Variants in PDZD8 observed in about 807,000 individuals in gnomAD.
PDZD8 encodes the protein PDZ domain-containing protein 8.
A neutral mutation model predicts 85.8 loss-of-function variants in PDZD8; 14 were observed. That is an observed-to-expected ratio of 0.16 (90% CI 0.11 to 0.26). The LOEUF (loss-of-function observed/expected upper bound fraction) is 0.26, where lower values mean the gene tolerates loss of function less well. PDZD8 is among the 10% of genes least tolerant of loss of function. The pLI, the probability that PDZD8 is intolerant of heterozygous loss-of-function variation, is 1.00. For missense variants in PDZD8, 1,197 were observed against 1,424.3 expected (o/e 0.84, Z 2.57); for synonymous variants, 592 against 568.6 (o/e 1.04, Z -0.59).
intron 1 of PDZD8, among the ~76,000 whole-genome samples, chr10:117,353,194 G>C (rs1261120877): frequency 6.6e-6 from 1 of 152,088 alleles, no homozygotes; most frequent in African/African-American, 2.4e-5. Flanking sequence ...AGTACCTCTT[G>C]TCTTCCAAAC....
chr10:117,357,628 T>C (rs1027726431), intron 1 of PDZD8, among the ~76,000 whole-genome samples: 1 of 150,874 alleles, frequency 6.6e-6, no homozygotes, highest in Admixed American at 6.6e-5. Flanking sequence ...TAGCCGGGCA[T>C]GGTGGCACAT....
chr10:117,285,466 T>C lies in PDZD8; in HGVS notation c.1267A>G (p.Lys423Glu). The change falls in exon 5 of 5, where the codon AAA becomes GAA. Residue 423 changes from lysine to glutamate, a missense_variant. Physicochemically the swap from Lys to Glu is moderately conservative, Grantham distance 56. This residue lies in a region of PDZD8 where 344 missense variants were observed against 453.6 expected (regional missense o/e 0.76). Transcript: ENST00000334464. ...GDRLIAIGGV[K>E]ITSTLQVLKL... ...AACACTTGCAGTGTTGATGTGATTT[T>C]CACACCTGGTTTAAGATTTTAAAAG... is the stretch of plus-strand genomic sequence containing the variant. 1 of 1,574,550 alleles carries C rather than the reference T, an allele frequency of 6.4e-7. No individual in the cohort carries two copies.
At chr10:117,340,404 A>T (rs576905824) in intron 2 of PDZD8, among the ~76,000 whole-genome samples, 2 of 152,136 alleles carry the variant, frequency 1.3e-5, no homozygotes, top group Non-Finnish European at 2.9e-5. Flanking sequence ...ATGTCTGATC[A>T]CCCTGGACTG....
chr10:117,375,144 G>C lies in PDZD8; in HGVS notation c.84C>G (p.Arg28=), dbSNP rs764637535. The change falls in exon 1 of 5, where the codon CGC becomes CGG. Residue 28 remains arginine, a synonymous_variant. Transcript: ENST00000334464. The stretch of plus-strand genomic sequence containing the variant: ...CGTCCGCCGGCGGCTCGGGCTGTCT[G>C]CGGTACAGCAGGAAGAACTGGGCGA... ...TLLAQFFLLY[R]RQPEPPADEA... is the part of the protein sequence containing the mutation. The C allele has an allele frequency of 6.3e-7, 1 of 1,590,036 alleles. No homozygotes were observed. The highest frequency in any genetic ancestry group is 8.5e-7 in the Non-Finnish European group (1 of 1,174,422).
At chr10:117,291,282 A>C (rs1217303009) in intron 3 of PDZD8, among the ~76,000 whole-genome samples, 1 of 151,976 alleles carries the variant, frequency 6.6e-6, no homozygotes, top group East Asian at 2.0e-4. Context: ...CTGTAATCCC[A>C]GCACTTGGGA....
chr10:117,364,336 A>G (rs1845050933), intron 1 of PDZD8, among the ~76,000 whole-genome samples: 1 of 152,120 alleles, frequency 6.6e-6, no homozygotes, highest in Non-Finnish European at 1.5e-5. Context: ...AACCATAAAA[A>G]ATGTTAAAAT....
rs148658189 is a variant in PDZD8, at chr10:117,351,245, A to C, written c.873-10143T>G. 3.5e-3 allele frequency among the ~76,000 whole-genome samples: 535 copies of C among 152,300 alleles called. 4 individuals are homozygous for C. The highest frequency in any genetic ancestry group is 0.012 in the African/African-American group (519 of 41,550). ...CATATATAAGAATATTCATAACAACACTACCCATCAACAAAAATGGACAGA... is the reference window on the plus strand; with the variant it reads ...CATATATAAGAATATTCATAACAACCCTACCCATCAACAAAAATGGACAGA... On this transcript the variant is annotated intron_variant, in intron 1 of 4. Coordinates refer to ENST00000334464, the MANE Select transcript of PDZD8 (RefSeq NM_173791.5).
rs1232665688 is a variant in PDZD8 at position 117,375,110 on chromosome 10, G to C, written c.118C>G (p.Arg40Gly). The C allele has an allele frequency of 6.3e-7, 1 of 1,594,498 alleles. No individual in the cohort carries two copies. Among genetic ancestry groups the C allele is most frequent in the Non-Finnish European group, 8.5e-7 (1 of 1,175,754 alleles). The change falls in exon 1 of 5, where the codon CGC becomes GGC. Residue 40 changes from arginine to glycine, a missense_variant. Physicochemically the swap from Arg to Gly is moderately radical, Grantham distance 125. Coordinates refer to ENST00000334464, the MANE Select transcript of PDZD8 (RefSeq NM_173791.5). ...QPEPPADEAA[R>G]AGEGFRYIKP... ...ATGTAGCGGAAGCCCTCGCCCGCGCGGGCGGCCTCGTCCGCCGGCGGCTCG... is the reference window on the plus strand; with the variant it reads ...ATGTAGCGGAAGCCCTCGCCCGCGCCGGCGGCCTCGTCCGCCGGCGGCTCG...
chr10:117,365,367 T>C (rs1311345032), intron 1 of PDZD8, among the ~76,000 whole-genome samples: 1 of 152,196 alleles, frequency 6.6e-6, no homozygotes, highest in Non-Finnish European at 1.5e-5. Flanking sequence ...CAATGAAGTA[T>C]TGAGTATGAT....
chr10:117,287,737 T>C (rs1489479587), intron 4 of PDZD8, among the ~76,000 whole-genome samples: 1 of 152,174 alleles, frequency 6.6e-6, no homozygotes, highest in African/African-American at 2.4e-5. Context: ...ACTCAGACCT[T>C]CCCTACTTTA....
chr10:117,315,611 A>AACAC (rs1564697094), intron 3 of PDZD8, among the ~76,000 whole-genome samples: 40 of 151,046 alleles, frequency 2.6e-4, no homozygotes, highest in African/African-American at 9.3e-4. Flanking sequence ...AAAAAAAAAA[A>AACAC]ACAATAATCT....
Position 117,325,404 on chromosome 10 carries a change from C to CTTTTTTTTTTTTTTTTT in PDZD8, c.996-6431_996-6430insAAAAAAAAAAAAAAAAA, listed in dbSNP as rs71013659. On this transcript the variant is annotated intron_variant, in intron 2 of 4. Transcript: ENST00000334464. ...CTATCAAAAGTTCCAGAAAAGCCAA[C>CTTTTTTTTTTTTTTTTT]TTTTTTTTTTTTTTTTGAGACAGAG... Among the ~76,000 whole-genome samples, 7 of 99,842 alleles carry CTTTTTTTTTTTTTTTTT rather than the reference C, an allele frequency of 7.0e-5. 1 individual carries two copies. Among genetic ancestry groups the CTTTTTTTTTTTTTTTTT allele is most frequent in the African/African-American group, 1.1e-4 (3 of 27,238 alleles). The allele number at this position is 99,842 out of a possible 152,430, so 65.5% of individuals were successfully genotyped here. A position where few individuals can be genotyped will look rare whatever the true frequency, so the allele number is the denominator to read the frequency against.
chr10:117,350,523 C>T (rs1242340396), intron 1 of PDZD8, among the ~76,000 whole-genome samples: 1 of 151,356 alleles, frequency 6.6e-6, no homozygotes, highest in African/African-American at 2.4e-5. Flanking sequence ...TTCGGCCTCC[C>T]AAAGTGCTAG....
intron 1 of PDZD8, among the ~76,000 whole-genome samples, chr10:117,363,393 C>T (rs1259365446): frequency 6.6e-6 from 1 of 152,048 alleles, no homozygotes; most frequent in African/African-American, 2.4e-5. Flanking sequence ...AGTCATTTTT[C>T]AAAATAGAGA....
chr10:117,320,444 A>C (rs1022697691), intron 2 of PDZD8, among the ~76,000 whole-genome samples: 4 of 152,146 alleles, frequency 2.6e-5, no homozygotes, highest in African/African-American at 9.6e-5. Context: ...AGCACTTTAA[A>C]AATGTTTTTA....
rs1844342269 is a variant in PDZD8 at position 117,327,750 on chromosome 10, A to T, written c.996-8776T>A. 2.0e-5 allele frequency among the ~76,000 whole-genome samples: 3 copies of T among 152,196 alleles called. No homozygotes were observed. In the South Asian group the frequency reaches 6.2e-4, roughly 31 times the overall value. ...GCTTCACATACATTTACTTTTTTCCATGATGAAAATATTTTGTCCAATTAT... is the reference window on the plus strand; with the variant it reads ...GCTTCACATACATTTACTTTTTTCCTTGATGAAAATATTTTGTCCAATTAT... On this transcript the variant is annotated intron_variant, in intron 2 of 4. Coordinates refer to ENST00000334464, the MANE Select transcript of PDZD8 (RefSeq NM_173791.5).
At chr10:117,346,899 C>A (rs555556275) in intron 1 of PDZD8, among the ~76,000 whole-genome samples, 2 of 152,164 alleles carry the variant, frequency 1.3e-5, no homozygotes, top group South Asian at 4.2e-4. Flanking sequence ...TCAACCCAAT[C>A]CCCTGAGCCC....
At chr10:117,361,447 T>G (rs1844997394) in intron 1 of PDZD8, among the ~76,000 whole-genome samples, 1 of 152,178 alleles carries the variant, frequency 6.6e-6, no homozygotes, top group Non-Finnish European at 1.5e-5. Context: ...TGAAGTCTTG[T>G]GTACTCTGGA....
intron 1 of PDZD8, among the ~76,000 whole-genome samples, chr10:117,358,480 G>A (rs1844939598): frequency 1.3e-5 from 2 of 151,544 alleles, no homozygotes; most frequent in African/African-American, 4.9e-5. Flanking sequence ...CTTCTTTCAC[G>A]GACTATAAAA....
Sources: gnomAD v4.1 joint callset for allele counts (sites outside exome capture counted in the v4.1 genomes callset) on GRCh38, gnomAD v4.1.1 for gene constraint, gnomAD v4.1.1 regional missense constraint, MANE v1.5 for transcripts, NCBI Gene and HGNC (gene_info 2026-07-23, HGNC 2026-07-21) for gene names.